The following PRICKLE2 variants were observed in gnomAD, a reference collection of about 807,000 sequenced individuals.
PRICKLE2 encodes prickle planar cell polarity protein 2.
Under a neutral mutation model 81.4 loss-of-function variants are expected in PRICKLE2, and 21 were observed. The observed-to-expected ratio is 0.26, with a 90% confidence interval of 0.18 to 0.37. The LOEUF (loss-of-function observed/expected upper bound fraction) is 0.37. Among genes scored for constraint, PRICKLE2 ranks in the 10% least tolerant of loss-of-function variants. PRICKLE2 has a pLI of 1.00. For synonymous variants in PRICKLE2, 456 were observed against 421.5 expected (o/e 1.08, Z -1.00); for missense variants, 940 against 1,109.0 (o/e 0.85, Z 2.16).
chr3:64,186,225 A>T (rs1476559018), intron 2 of PRICKLE2, among the ~76,000 whole-genome samples: 1 of 152,244 alleles, frequency 6.6e-6, no homozygotes, highest in Non-Finnish European at 1.5e-5. Flanking sequence ...GGAAAAGAAA[A>T]CTAAGAGCAG....
intron 2 of PRICKLE2, among the ~76,000 whole-genome samples, chr3:64,178,903 A>G (rs1328875562): frequency 2.0e-5 from 3 of 152,182 alleles, no homozygotes; most frequent in Non-Finnish European, 2.9e-5. Context: ...CAACAGCACT[A>G]TAACTCATGC....
chr3:64,248,914 C>T (rs2079400311), intron 2 of PRICKLE2, among the ~76,000 whole-genome samples: 1 of 152,080 alleles, frequency 6.6e-6, no homozygotes, highest in South Asian at 2.1e-4. Flanking sequence ...TTTTTAAATT[C>T]CTTACCCAAA....
Position 64,153,219 on chromosome 3 carries a change from C to A in PRICKLE2, c.750G>T (p.Leu250Phe). The change falls in exon 6 of 8, where the codon TTG becomes TTT. Residue 250 changes from leucine (L) to phenylalanine (F), a missense_variant. Around this residue, in one of 2 missense-constraint regions of PRICKLE2, gnomAD observed 270 missense variants for 391.8 expected, o/e 0.69. Transcript: ENST00000638394. ...RPYCCHCFES[L>F]YAEYCDTCAQ... The stretch of plus-strand genomic sequence containing the variant: ...CACAGGTGTCACAATATTCTGCATA[C>A]AAGGACTCGAAGCAGTGGCAACAGT... 6.2e-7 allele frequency: 1 copy of A among 1,614,212 alleles called. No individual in the cohort carries two copies. The highest frequency in any genetic ancestry group is 8.5e-7 in the Non-Finnish European group (1 of 1,180,048).
rs1447553613 is a variant in PRICKLE2 at position 64,157,299 on chromosome 3, A to G, written c.463T>C (p.Trp155Arg). 6.2e-7 allele frequency: 1 copy of G among 1,614,018 alleles called. No individual in the cohort carries two copies. The highest frequency in any genetic ancestry group is 8.5e-7 in the Non-Finnish European group (1 of 1,180,046). Residue 155 changes from tryptophan to arginine, a missense_variant, in exon 5 of 8, where the codon TGG (tryptophan) becomes CGG (arginine). Physicochemically the swap from Trp to Arg is moderately radical, Grantham distance 101. Transcript: ENST00000638394. ...FASRAGHGVC[W>R]HPPCFVCTVC... ...GTGCATACGAAGCACGGCGGGTGCC[A>G]GCAAACGCCGTGGCCAGCGCGTGAC...
chr3:64,232,581 T>C (rs1295470723), intron 2 of PRICKLE2, among the ~76,000 whole-genome samples: 1 of 143,592 alleles, frequency 7.0e-6, no homozygotes, highest in Non-Finnish European at 1.6e-5. Flanking sequence ...CATGCTCATC[T>C]CCTTCAGAGC....
At chr3:64,215,257 T>C (rs1184561094) in intron 1 of PRICKLE2, among the ~76,000 whole-genome samples, 1 of 152,152 alleles carries the variant, frequency 6.6e-6, no homozygotes, top group East Asian at 1.9e-4. Context: ...CAGTCTTTAT[T>C]TGTCCTTTGA....
rs2076605025 is a variant in PRICKLE2, at chr3:64,098,740, C to T, written c.*311G>A. Reference sequence around the variant, plus strand: ...GTAAGAGAACCAGAGAGGATAAAAGCGAGCAGGAAACAATTTACCATCTTG... The same window carrying T: ...GTAAGAGAACCAGAGAGGATAAAAGTGAGCAGGAAACAATTTACCATCTTG... On this transcript the variant is annotated 3_prime_UTR_variant, in exon 8 of 8. Coordinates refer to ENST00000638394, the MANE Select transcript of PRICKLE2 (RefSeq NM_198859.4). The T allele has an allele frequency of 7.1e-5, 27 of 379,694 alleles. No homozygotes were observed. The South Asian group carries it at 7.5e-4, about 11-fold the overall frequency. 23.5% of individuals were successfully genotyped at this position (379,694 alleles called of 1,614,324 possible).
intron 1 of PRICKLE2, chr3:64,199,217 C>T (rs940236615): frequency 1.2e-5 from 7 of 590,368 alleles, no homozygotes; most frequent in African/African-American, 1.1e-4. Context: ...TACATGTGGA[C>T]CCCAGCCTTC....
chr3:64,259,025 C>T (rs899851378), intron 2 of PRICKLE2, among the ~76,000 whole-genome samples: 5 of 152,008 alleles, frequency 3.3e-5, no homozygotes, highest in South Asian at 2.1e-4. Context: ...TTCAGCTGAA[C>T]ACCTATGATA....
intron 7 of PRICKLE2, chr3:64,106,178 CT>C (rs2076752486): frequency 6.6e-6 from 1 of 152,182 alleles, no homozygotes; most frequent in South Asian, 2.1e-4. Context: ...ACAACTCATA[CT>C]GATGATTTAG....
chr3:64,264,880 A>G lies in PRICKLE2; in HGVS notation c.129-65913T>C, dbSNP rs76437644. Among the ~76,000 whole-genome samples, 1,731 of 152,284 alleles carry G rather than the reference A, an allele frequency of 0.011. 55 individuals are homozygous for G. In the East Asian group the frequency reaches 0.12, roughly 10 times the overall value. On this transcript the variant is annotated intron_variant, in intron 2 of 8. Coordinates refer to the PRICKLE2 transcript ENST00000295902. ...TTGTGAAGAGGGAGAGACCCTAGTG[A>G]TAGGTACAAGGATTTCTCTACACAG...
intron 1 of PRICKLE2, among the ~76,000 whole-genome samples, chr3:64,211,924 T>C (rs888404): frequency 0.37 from 55,921 of 152,038 alleles, 12,334 homozygotes; most frequent in Admixed American, 0.49. Context: ...GAACATGCTG[T>C]CACTGAGATG....
At position 64,128,858 on chromosome 3, in the gene PRICKLE2, GAAAC is replaced by G. The variant is rs139338970; in HGVS notation, c.1660+17968_1660+17971del. Reference sequence around the variant, plus strand: ...TCCCCTCCCTCTCTCCTCCACCAAAGAAACAAACAAACAAACAAACAAAAACCTT... The same window carrying G: ...TCCCCTCCCTCTCTCCTCCACCAAAGAAACAAACAAACAAACAAAAACCTT... On this transcript the variant is annotated intron_variant, in intron 7 of 7. Transcript: ENST00000638394. Among the ~76,000 whole-genome samples, 7 of 150,130 alleles carry G rather than the reference GAAAC, an allele frequency of 4.7e-5. No individual in the cohort carries two copies. In the South Asian group the frequency reaches 6.3e-4, roughly 13 times the overall value.
At chr3:64,124,043 T>C (rs2077070073) in intron 7 of PRICKLE2, among the ~76,000 whole-genome samples, 1 of 152,126 alleles carries the variant, frequency 6.6e-6, no homozygotes, top group East Asian at 1.9e-4. Context: ...AGCCAAATTG[T>C]GAATGCAAAT....
At chr3:64,262,114 G>A (rs367623471) in intron 2 of PRICKLE2, among the ~76,000 whole-genome samples, 2 of 152,012 alleles carry the variant, frequency 1.3e-5, no homozygotes, top group East Asian at 1.9e-4. Flanking sequence ...TCCATGTAAC[G>A]CACACTCTAT....
At chr3:64,139,467 G>A (rs1006769380) in intron 7 of PRICKLE2, among the ~76,000 whole-genome samples, 4 of 152,094 alleles carry the variant, frequency 2.6e-5, no homozygotes, top group African/African-American at 9.7e-5. Context: ...CACTTATTTT[G>A]GACTTTGCCA....
intron 7 of PRICKLE2, among the ~76,000 whole-genome samples, chr3:64,112,662 G>T (rs2076868561): frequency 6.6e-6 from 1 of 152,140 alleles, no homozygotes; most frequent in Non-Finnish European, 1.5e-5. Context: ...CTCCAAGTGG[G>T]ACCTAATTAA....
chr3:64,257,503 T>TG (rs1013394521), intron 2 of PRICKLE2, among the ~76,000 whole-genome samples: 1 of 152,048 alleles, frequency 6.6e-6, no homozygotes, highest in African/African-American at 2.4e-5. Context: ...GCAATGGCAG[T>TG]GGGGGTGTGA....
At chr3:64,163,173 C>A (rs775332688) in intron 2 of PRICKLE2, 44 bp from the exon 3 acceptor site, 12 of 1,156,554 alleles carry the variant, frequency 1.0e-5, no homozygotes, top group African/African-American at 4.5e-5. Flanking sequence ...ATTACTCAAA[C>A]CATGTGCCTA....
Sources: gnomAD v4.1 joint callset for allele counts (sites outside exome capture counted in the v4.1 genomes callset) on GRCh38, gnomAD v4.1.1 for gene constraint, gnomAD v4.1.1 regional missense constraint, MANE v1.5 for transcripts, NCBI Gene and HGNC (gene_info 2026-07-23, HGNC 2026-07-21) for gene names.